STK38L: variants seen among roughly 807,000 people sequenced by gnomAD.
STK38L encodes the protein serine/threonine kinase 38 like, also known as serine/threonine-protein kinase 38-like.
In STK38L, 28 loss-of-function variants were observed where a neutral mutation model predicts 59.7. The ratio of observed to expected loss-of-function variants is 0.47; its 90% CI spans 0.35 to 0.64. The LOEUF is 0.64. Ranked by LOEUF, STK38L falls within the 30% of genes least tolerant of loss-of-function variation. The pLI is 0.01. For missense variants in STK38L, 314 were observed against 555.8 expected (o/e 0.56, Z 4.37); for synonymous variants, 162 against 176.8 (o/e 0.92, Z 0.66).
intron 1 of STK38L, among the ~76,000 whole-genome samples, chr12:27,285,125 A>AT (rs1452837848): frequency 1.3e-5 from 2 of 152,176 alleles, no homozygotes; most frequent in Non-Finnish European, 2.9e-5. Flanking sequence ...GTCTTGTCTA[A>AT]TTTTTGTACC....
At chr12:27,273,731 G>C (rs1010464772) in intron 1 of STK38L, among the ~76,000 whole-genome samples, 5 of 152,244 alleles carry the variant, frequency 3.3e-5, no homozygotes, top group Admixed American at 2.0e-4. Flanking sequence ...AGGAGGTAAT[G>C]GTTAAAAGAT....
At chr12:27,298,017 C>T (rs1591912034) in intron 2 of STK38L, 163 bp downstream of exon 2, 18 of 842,428 alleles carry the variant, frequency 2.1e-5, no homozygotes, top group Non-Finnish European at 3.0e-5. Context: ...GTTTTATTTT[C>T]ACAGAGTAGT....
At chr12:27,267,011 T>C (rs1170702938) in intron 1 of STK38L, among the ~76,000 whole-genome samples, 1 of 152,252 alleles carries the variant, frequency 6.6e-6, no homozygotes, top group Non-Finnish European at 1.5e-5. Flanking sequence ...ATCATTGCTT[T>C]GTTTTTTAAA....
At chr12:27,313,031 G>A (rs565366647) in intron 6 of STK38L, among the ~76,000 whole-genome samples, 11 of 152,134 alleles carry the variant, frequency 7.2e-5, no homozygotes, top group Non-Finnish European at 1.6e-4. Context: ...GATGGATCAC[G>A]AGGTCAGGAG....
At chr12:27,265,255 A>G (rs1565527537) in intron 1 of STK38L, among the ~76,000 whole-genome samples, 2 of 152,144 alleles carry the variant, frequency 1.3e-5, no homozygotes, top group African/African-American at 2.4e-5. Context: ...ATATAAAGGG[A>G]TAGGAAATAT....
intron 1 of STK38L, among the ~76,000 whole-genome samples, chr12:27,272,066 C>T (rs1258316990): frequency 2.0e-5 from 3 of 152,188 alleles, no homozygotes; most frequent in African/African-American, 7.2e-5. Flanking sequence ...CTCATTGGTT[C>T]AAAAAGCAAC....
chr12:27,302,741 CCGGGCG>C (rs541498925), intron 3 of STK38L, among the ~76,000 whole-genome samples: 29 of 152,186 alleles, frequency 1.9e-4, no homozygotes, highest in Admixed American at 1.2e-3. Flanking sequence ...TATACCTGGG[CCGGGCG>C]CGGTAGCTCA....
intron 2 of STK38L, among the ~76,000 whole-genome samples, chr12:27,300,966 T>C (rs1364179337): frequency 6.6e-6 from 1 of 152,208 alleles, no homozygotes; most frequent in East Asian, 1.9e-4. Flanking sequence ...TTCAGTTAAA[T>C]CCTGAAAAGT....
At chr12:27,250,052 A>G (rs1298164448) in intron 1 of STK38L, among the ~76,000 whole-genome samples, 2 of 152,244 alleles carry the variant, frequency 1.3e-5, no homozygotes, top group South Asian at 4.1e-4. Context: ...ACATGAGGGC[A>G]TGATAGCTAA....
At chr12:27,258,745 A>G (rs1242611832) in intron 1 of STK38L, among the ~76,000 whole-genome samples, 2 of 152,192 alleles carry the variant, frequency 1.3e-5, no homozygotes, top group Non-Finnish European at 2.9e-5. Flanking sequence ...TACAGTTAAT[A>G]TTCTGTTAAA....
intron 1 of STK38L, among the ~76,000 whole-genome samples, chr12:27,246,462 G>A (rs1942856375): frequency 6.6e-6 from 1 of 152,124 alleles, no homozygotes; most frequent in Admixed American, 6.5e-5. Context: ...CAAGCATATT[G>A]TTGTCTAGCA....
intron 1 of STK38L, among the ~76,000 whole-genome samples, chr12:27,291,033 C>T (rs1943885066): frequency 1.3e-5 from 2 of 151,998 alleles, no homozygotes; most frequent in Non-Finnish European, 2.9e-5. Flanking sequence ...ATAATCTATC[C>T]GAAGTGCAAA....
At chr12:27,312,804 T>A in intron 6 of STK38L, 132 bp downstream of exon 6, 1 of 1,067,158 alleles carries the variant, frequency 9.4e-7, no homozygotes, top group Non-Finnish European at 1.3e-6. Context: ...TAAAAATATT[T>A]ACTACCATAT....
chr12:27,265,649 T>C (rs1316201111), intron 1 of STK38L, among the ~76,000 whole-genome samples: 1 of 152,204 alleles, frequency 6.6e-6, no homozygotes, highest in African/African-American at 2.4e-5. Context: ...GTTCAGTTCT[T>C]CTTTTTTTAT....
Position 27,315,035 on chromosome 12 carries a change from T to C in STK38L, c.693T>C (p.Asp231=). The C allele has an allele frequency of 6.2e-7, 1 of 1,609,388 alleles. No homozygotes were observed. Among genetic ancestry groups the C allele is most frequent in the Non-Finnish European group, 8.5e-7 (1 of 1,178,714 alleles). The part of the protein sequence containing the change: ...LDAKGHVKLS[D]FGLCTGLKKA... The stretch of plus-strand genomic sequence containing the variant: ...TTTAGGGTCATGTAAAATTATCTGA[T>C]TTTGGTTTATGTACGGGATTAAAGA... Residue 231 remains aspartate (D), a synonymous_variant, in exon 8 of 14, where the codon GAT becomes GAC. Coordinates refer to ENST00000389032, the MANE Select transcript of STK38L (RefSeq NM_015000.4).
chr12:27,248,542 C>T (rs1347588617), intron 1 of STK38L, among the ~76,000 whole-genome samples: 2 of 152,180 alleles, frequency 1.3e-5, no homozygotes, highest in African/African-American at 2.4e-5. Context: ...AGCAGGTGAG[C>T]GGTGGGAGAG....
rs1039842385 is a variant in STK38L at position 27,324,764 on chromosome 12, G to C, written c.*2309G>C. ...GCCTATCTAAAAGCAATTAAAGACT[G>C]TGTCTGCCCTTTAGAAGCTAAGAAT... On this transcript the variant is annotated 3_prime_UTR_variant, in exon 14 of 14. Transcript: ENST00000389032. 6.6e-6 allele frequency: 1 copy of C among 152,032 alleles called. No homozygotes were observed. The highest frequency in any genetic ancestry group is 1.5e-5 in the Non-Finnish European group (1 of 67,934). 9.4% of individuals were successfully genotyped at this position (152,032 alleles called of 1,614,324 possible).
chr12:27,254,762 G>A (rs1023622558), intron 1 of STK38L, among the ~76,000 whole-genome samples: 5 of 152,172 alleles, frequency 3.3e-5, no homozygotes, highest in African/African-American at 1.2e-4. Flanking sequence ...AACAGAAGGA[G>A]GAAAAGCGGG....
chr12:27,322,275 T>C, intron 13 of STK38L, 41 bp downstream of exon 13: 1 of 1,613,198 alleles, frequency 6.2e-7, no homozygotes, highest in Non-Finnish European at 8.5e-7. Flanking sequence ...TTAAAAGTCT[T>C]TGAAGATGAT....
Sources: gnomAD v4.1 joint callset for allele counts (sites outside exome capture counted in the v4.1 genomes callset) on GRCh38, gnomAD v4.1.1 for gene constraint, MANE v1.5 for transcripts, NCBI Gene and HGNC (gene_info 2026-07-23, HGNC 2026-07-21) for gene names.